CDKL4: variants seen among roughly 807,000 people sequenced by gnomAD.
CDKL4 encodes the protein cyclin dependent kinase like 4.
A neutral mutation model predicts 42.0 loss-of-function variants in CDKL4; 44 were observed. The ratio of observed to expected loss-of-function variants is 1.05; its 90% CI spans 0.82 to 1.35. CDKL4 has a LOEUF of 1.35. Among genes scored for constraint, CDKL4 ranks in the 40% most tolerant of loss-of-function variants. CDKL4 has a pLI of 0.00. For synonymous variants in CDKL4, 120 were observed against 121.6 expected (o/e 0.99, Z 0.09); for missense variants, 393 against 369.9 (o/e 1.06, Z -0.51).
chr2:39,183,230 A>T (rs1675542756), intron 8 of CDKL4, among the ~76,000 whole-genome samples: 1 of 151,616 alleles, frequency 6.6e-6, no homozygotes, highest in Non-Finnish European at 1.5e-5. Flanking sequence ...CAGTGAGCGG[A>T]GAACTCCAGC....
At chr2:39,222,106 T>C (rs1678408704) in intron 3 of CDKL4, among the ~76,000 whole-genome samples, 1 of 152,120 alleles carries the variant, frequency 6.6e-6, no homozygotes, top group South Asian at 2.1e-4. Context: ...CAATGAGACA[T>C]GAAGTATGCC....
the CDKL4 span, among the ~76,000 whole-genome samples, chr2:39,169,556 A>G: frequency 6.6e-6 from 1 of 152,230 alleles, no homozygotes; most frequent in South Asian, 2.1e-4. Context: ...TGACCAGGAT[A>G]CAAACACTGT....
chr2:39,235,339 A>G (rs1446180085), intron 1 of CDKL4, among the ~76,000 whole-genome samples: 1 of 152,144 alleles, frequency 6.6e-6, no homozygotes, highest in Non-Finnish European at 1.5e-5. Context: ...GTAAAGGTAG[A>G]AACAAGAGTG....
exon 6 of CDKL4, chr2:39,190,335 C>T: frequency 6.2e-7 from 1 of 1,614,162 alleles, no homozygotes; most frequent in Non-Finnish European, 8.5e-7. Context: ...TAAAGTTGGT[C>T]CACATCTGAT....
chr2:39,238,155 G>A (rs1032404638), intron 1 of CDKL4, among the ~76,000 whole-genome samples: 8 of 152,196 alleles, frequency 5.3e-5, no homozygotes, highest in Non-Finnish European at 1.0e-4. Context: ...TCCTGGCCAG[G>A]AGTGGTGGCA....
intron 7 of CDKL4, among the ~76,000 whole-genome samples, chr2:39,185,282 GTATATATACATATATATACACATATGTA>G (rs1675693624): frequency 2.9e-5 from 1 of 34,276 alleles, no homozygotes; most frequent in African/African-American, 1.0e-4. Context: ...ATACACATAT[GTATATATACATATATATACACATATGTA>G]TATATACATA....
upstream of CDKL4, among the ~76,000 whole-genome samples, chr2:39,245,037 G>T (rs1221873313): frequency 1.3e-5 from 2 of 152,186 alleles, no homozygotes; most frequent in Non-Finnish European, 2.9e-5. Flanking sequence ...AGACCACTGG[G>T]TTCTACCAAT....
intron 1 of CDKL4, among the ~76,000 whole-genome samples, chr2:39,238,421 A>C (rs776242125): frequency 6.6e-6 from 1 of 152,196 alleles, no homozygotes; most frequent in Non-Finnish European, 1.5e-5. Flanking sequence ...CAATGCAGCA[A>C]GACCCTGTCT....
intron 8 of CDKL4, among the ~76,000 whole-genome samples, chr2:39,183,838 T>A (rs17023400): frequency 4.6e-5 from 7 of 151,962 alleles, no homozygotes; most frequent in Non-Finnish European, 7.4e-5. Flanking sequence ...TCAGGAGGAC[T>A]TAGGTTGAAG....
At position 39,230,736 on chromosome 2, in the gene CDKL4, T is replaced by C. The variant is rs7566389; in HGVS notation, c.-56-1148A>G. 1.6e-3 allele frequency among the ~76,000 whole-genome samples: 239 copies of C among 152,328 alleles called. 2 individuals carry two copies. Among genetic ancestry groups the C allele is most frequent in the African/African-American group, 5.1e-3 (213 of 41,588 alleles). On this transcript the variant is annotated intron_variant, in intron 1 of 9. Coordinates refer to ENST00000451199, the Ensembl canonical transcript of CDKL4. ...CAATAATAATGGCACTTAACATTGT[T>C]CTATACAAATTACATAGAATGTGCA... is the stretch of plus-strand genomic sequence containing the variant.
intron 5 of CDKL4, among the ~76,000 whole-genome samples, chr2:39,196,318 G>C (rs1268480608): frequency 6.6e-6 from 1 of 152,230 alleles, no homozygotes; most frequent in African/African-American, 2.4e-5. Context: ...ATAGCTGAAA[G>C]ATCTGACAAT....
upstream of CDKL4, among the ~76,000 whole-genome samples, chr2:39,244,275 G>A (rs1679811805): frequency 6.6e-6 from 1 of 152,250 alleles, no homozygotes; most frequent in South Asian, 2.1e-4. Context: ...AGCTGTGGAG[G>A]GAGAGGCGCG....
chr2:39,192,471 C>T (rs1024942072), intron 5 of CDKL4, among the ~76,000 whole-genome samples: 6 of 152,090 alleles, frequency 3.9e-5, no homozygotes, highest in Admixed American at 1.3e-4. Flanking sequence ...CACAATCCTC[C>T]TGCCTCAGCC....
intron 5 of CDKL4, among the ~76,000 whole-genome samples, chr2:39,191,085 C>G (rs568119569): frequency 2.0e-5 from 3 of 152,220 alleles, no homozygotes; most frequent in African/African-American, 7.2e-5. Context: ...GGAATGCCAA[C>G]TTTTCCCACA....
intron 9 of CDKL4, among the ~76,000 whole-genome samples, chr2:39,176,944 T>C (rs1675191358): frequency 6.6e-6 from 1 of 152,186 alleles, no homozygotes; most frequent in Non-Finnish European, 1.5e-5. Context: ...TGTCTTTCTC[T>C]TGGCCTGGCT....
chr2:39,236,841 A>C (rs916546483), intron 1 of CDKL4, among the ~76,000 whole-genome samples: 4 of 152,222 alleles, frequency 2.6e-5, no homozygotes, highest in African/African-American at 9.6e-5. Flanking sequence ...GGACTCCAGA[A>C]GAAATAGAAA....
At chr2:39,192,943 T>C (rs1676275202) in intron 5 of CDKL4, among the ~76,000 whole-genome samples, 2 of 151,364 alleles carry the variant, frequency 1.3e-5, no homozygotes, top group Non-Finnish European at 2.9e-5. Context: ...CTGGGCAACA[T>C]GGTGAAATCT....
At chr2:39,192,572 T>C (rs1676256333) in intron 5 of CDKL4, among the ~76,000 whole-genome samples, 1 of 150,928 alleles carries the variant, frequency 6.6e-6, no homozygotes, top group African/African-American at 2.4e-5. Context: ...GAGGTCTCAC[T>C]ATGTTGCTCA....
intron 4 of CDKL4, among the ~76,000 whole-genome samples, chr2:39,212,926 T>C (rs1677676239): frequency 6.6e-6 from 1 of 152,096 alleles, no homozygotes; most frequent in Non-Finnish European, 1.5e-5. Context: ...CTTCCCAAAG[T>C]GCTGGGATTA....
Sources: allele counts gnomAD v4.1 joint callset (sites outside exome capture counted in the v4.1 genomes callset), GRCh38; gene constraint gnomAD v4.1.1; transcripts MANE v1.5; gene names NCBI Gene and HGNC (gene_info 2026-07-23, HGNC 2026-07-21).